The following TULP4 variants were observed in gnomAD, a reference collection of about 807,000 sequenced individuals.
The protein encoded by TULP4 is tubby-related protein 4.
In TULP4, 16 loss-of-function variants were observed where a neutral mutation model predicts 129.0. The ratio of observed to expected loss-of-function variants is 0.12; its 90% CI spans 0.08 to 0.19. The LOEUF (loss-of-function observed/expected upper bound fraction) is 0.19. Ranked by LOEUF, TULP4 falls within the 10% of genes least tolerant of loss-of-function variation. The probability of loss-of-function intolerance (pLI) is 1.00; values close to 1 mark genes in which losing one functional copy is unlikely to be tolerated. For missense variants in TULP4, 1,842 were observed against 2,059.1 expected (o/e 0.89, Z 2.04); for synonymous variants, 998 against 854.0 (o/e 1.17, Z -2.94).
At chr6:158,282,526 T>G (rs1778772120) in intron 1 of TULP4, 1 of 151,694 alleles carries the variant, frequency 6.6e-6, no homozygotes, top group Non-Finnish European at 1.5e-5. Flanking sequence ...GATCATTATC[T>G]TTTTTCCTGC....
chr6:158,299,551 A>G (rs1779098508), intron 1 of TULP4, among the ~76,000 whole-genome samples: 1 of 152,152 alleles, frequency 6.6e-6, no homozygotes, highest in Non-Finnish European at 1.5e-5. Context: ...ATCTCTCCAG[A>G]AGGTAAGCAG....
At chr6:158,500,628 G>A (rs951887783) in intron 12 of TULP4, among the ~76,000 whole-genome samples, 1 of 152,346 alleles carries the variant, frequency 6.6e-6, no homozygotes, top group South Asian at 2.1e-4. Context: ...ACAGGGTGGT[G>A]CAGACAGTGG....
At chr6:158,337,467 G>A (rs969578974) in intron 1 of TULP4, among the ~76,000 whole-genome samples, 1 of 152,146 alleles carries the variant, frequency 6.6e-6, no homozygotes. Context: ...CCCTGATACA[G>A]ACTGAAGCAA....
At chr6:158,332,474 G>T (rs1672610361) in intron 1 of TULP4, among the ~76,000 whole-genome samples, 1 of 152,042 alleles carries the variant, frequency 6.6e-6, no homozygotes, top group Admixed American at 6.6e-5. Context: ...TCCCTCCATG[G>T]TAGTGGTGGA....
intron 3 of TULP4, among the ~76,000 whole-genome samples, chr6:158,434,843 C>T (rs1322007816): frequency 6.6e-6 from 1 of 152,098 alleles, no homozygotes; most frequent in Non-Finnish European, 1.5e-5. Context: ...AAGAAGAGCC[C>T]CAAACTTCAA....
intron 6 of TULP4, among the ~76,000 whole-genome samples, chr6:158,472,758 A>C (rs1779719770): frequency 6.6e-6 from 1 of 152,250 alleles, no homozygotes; most frequent in Admixed American, 6.5e-5. Flanking sequence ...TTGCAGCAGC[A>C]GCAGCAGCTT....
intron 1 of TULP4, among the ~76,000 whole-genome samples, chr6:158,305,704 CAAA>C (rs34473613): frequency 3.7e-4 from 51 of 136,470 alleles, no homozygotes; most frequent in Admixed American, 3.7e-4. Context: ...AACCCTGTCT[CAAA>C]AAAAAAAAAA....
At chr6:158,430,710 C>T (rs1212329648) in intron 3 of TULP4, among the ~76,000 whole-genome samples, 2 of 152,060 alleles carry the variant, frequency 1.3e-5, no homozygotes, top group Admixed American at 1.3e-4. Flanking sequence ...TGTGCCACTG[C>T]GCTCCAGCCT....
rs752515115 is a variant in TULP4, at chr6:158,413,259, C to T, written c.381+66C>T. 45 of 1,531,670 alleles carry T rather than the reference C, an allele frequency of 2.9e-5. No individual in the cohort carries two copies. The highest frequency in any genetic ancestry group is 4.6e-5 in the East Asian group (2 of 43,416). The allele number at this position is 1,531,670 out of a possible 1,614,324, so 94.9% of individuals were successfully genotyped here. ...GTAGAGGACTCCCAGACAGGCATTC[C>T]GGAGCCAGTGCGTTAGCACCACACA... On this transcript the variant is annotated intron_variant, in intron 2 of 13. Coordinates refer to ENST00000367097, the MANE Select transcript of TULP4 (RefSeq NM_020245.5). This position sits in a 1 kb window ranked among gnomAD's most constrained non-coding sequence, Gnocchi z 4.9.
intron 7 of TULP4, 46 bp from the exon 8 acceptor site, chr6:158,481,009 G>A: frequency 6.6e-7 from 1 of 1,506,822 alleles, no homozygotes; most frequent in South Asian, 1.3e-5. Context: ...CTCTCTCTCT[G>A]CCTCTCTGGA....
At chr6:158,449,234 A>G in intron 4 of TULP4, 58 bp downstream of exon 4, 1 of 1,549,382 alleles carries the variant, frequency 6.5e-7, no homozygotes, top group Non-Finnish European at 8.7e-7. Context: ...AGGGCATCGG[A>G]GCAGAGTAGA....
At chr6:158,371,946 C>T (rs1353200726) in intron 1 of TULP4, among the ~76,000 whole-genome samples, 1 of 152,142 alleles carries the variant, frequency 6.6e-6, no homozygotes, top group African/African-American at 2.4e-5. Context: ...ACCTGAGTAG[C>T]TGGCACTACA....
chr6:158,461,379 C>A (rs1017765391), intron 5 of TULP4, among the ~76,000 whole-genome samples, 184 bp from the exon 6 acceptor site: 1 of 151,248 alleles, frequency 6.6e-6, no homozygotes, highest in Non-Finnish European at 1.5e-5. Context: ...CCATTGCACT[C>A]CAGCCTGGGC....
intron 1 of TULP4, among the ~76,000 whole-genome samples, chr6:158,330,994 T>C (rs1004234455): frequency 2.0e-5 from 3 of 152,184 alleles, no homozygotes; most frequent in Admixed American, 2.0e-4. Context: ...GGGTGTCACA[T>C]GTGGAGGTGC....
intron 1 of TULP4, among the ~76,000 whole-genome samples, chr6:158,294,590 G>A (rs573680265): frequency 6.6e-6 from 1 of 152,138 alleles, no homozygotes; most frequent in African/African-American, 2.4e-5. Context: ...CCCTAAGGTA[G>A]CAGAGTCAGC....
rs746726576 is a variant in TULP4, at chr6:158,503,128, G to A, written c.3465G>A (p.Leu1155=). 1 of 1,613,926 alleles carries A rather than the reference G, an allele frequency of 6.2e-7. No homozygotes were observed. Among genetic ancestry groups the A allele is most frequent in the Admixed American group, 1.7e-5 (1 of 60,018 alleles). The part of the protein sequence containing the change: ...PNPLKLSSLM[L]SQGQHLDVSR... ...CCTTAAAACTGTCCTCTCTGATGCT[G>A]AGTCAGGGCCAGCACCTGGACGTGT... Residue 1155 remains leucine, a synonymous_variant, in exon 13 of 14, where the codon CTG becomes CTA. Coordinates refer to ENST00000367097, the MANE Select transcript of TULP4 (RefSeq NM_020245.5). The surrounding 1 kb of genome is among the most constrained non-coding windows in gnomAD (Gnocchi z 4.3).
intron 4 of TULP4, among the ~76,000 whole-genome samples, 180 bp downstream of exon 4, chr6:158,449,356 T>G (rs1400006494): frequency 6.6e-6 from 1 of 152,192 alleles, no homozygotes; most frequent in South Asian, 2.1e-4. Flanking sequence ...TAGATGTGAC[T>G]GTCTCCCCGC....
At chr6:158,389,046 G>A (rs185254624) in intron 1 of TULP4, among the ~76,000 whole-genome samples, 149 of 152,350 alleles carry the variant, frequency 9.8e-4, no homozygotes, top group Admixed American at 8.5e-3. Flanking sequence ...GTGGTGTACT[G>A]ATTTATAGTG....
At chr6:158,345,955 G>A (rs554076722) in intron 1 of TULP4, among the ~76,000 whole-genome samples, 31 of 152,262 alleles carry the variant, frequency 2.0e-4, no homozygotes, top group African/African-American at 7.0e-4. Context: ...TTTTCCCAGA[G>A]TATTAATAAC....
Sources: allele counts gnomAD v4.1 joint callset (sites outside exome capture counted in the v4.1 genomes callset), GRCh38; gene constraint gnomAD v4.1.1; non-coding constraint Gnocchi (gnomAD v3.1); transcripts MANE v1.5; gene names NCBI Gene and HGNC (gene_info 2026-07-23, HGNC 2026-07-21).